Variants in TENM3 observed in about 807,000 individuals in gnomAD.
TENM3 encodes teneurin transmembrane protein 3, also known as teneurin-3.
A neutral mutation model predicts 255.1 loss-of-function variants in TENM3; 63 were observed. The ratio of observed to expected loss-of-function variants is 0.25; its 90% CI spans 0.20 to 0.30. The LOEUF is 0.30. TENM3 is among the 10% of genes least tolerant of loss of function. TENM3 has a pLI of 1.00. For missense variants in TENM3, 2,929 were observed against 3,461.1 expected (o/e 0.85, Z 3.86); for synonymous variants, 1,306 against 1,322.3 (o/e 0.99, Z 0.27).
the TENM3 span, among the ~76,000 whole-genome samples, chr4:181,812,749 A>G: frequency 2.0e-5 from 3 of 152,198 alleles, no homozygotes; most frequent in African/African-American, 7.2e-5. Flanking sequence ...TTCACTGAGC[A>G]TGGCTCAGAA....
the TENM3 span, among the ~76,000 whole-genome samples, chr4:181,817,560 C>A: frequency 6.6e-6 from 1 of 152,074 alleles, no homozygotes; most frequent in Non-Finnish European, 1.5e-5. Flanking sequence ...AAAATTTATG[C>A]CTTGGAAACT....
chr4:182,013,100 C>T, the TENM3 span, among the ~76,000 whole-genome samples: 28 of 152,128 alleles, frequency 1.8e-4, no homozygotes, highest in Non-Finnish European at 5.9e-5. Flanking sequence ...GAATGAATGG[C>T]GAGCATTCAA....
the TENM3 span, among the ~76,000 whole-genome samples, chr4:181,672,824 C>A: frequency 6.6e-6 from 1 of 152,262 alleles, no homozygotes; most frequent in Non-Finnish European, 1.5e-5. Context: ...ATCTTCATTT[C>A]GCAGAAGTAG....
the TENM3 span, among the ~76,000 whole-genome samples, chr4:181,738,637 A>G: frequency 8.4e-4 from 128 of 152,022 alleles, no homozygotes; most frequent in Admixed American, 2.3e-3. Context: ...GAGTCCCTGT[A>G]TTTTTAGATT....
intron 26 of TENM3, among the ~76,000 whole-genome samples, chr4:182,795,252 C>T (rs994360065): frequency 1.3e-5 from 2 of 152,186 alleles, no homozygotes; most frequent in African/African-American, 4.8e-5. Flanking sequence ...CATCTGCCTT[C>T]AAACCCCATT....
At chr4:181,693,714 A>G in the TENM3 span, among the ~76,000 whole-genome samples, 1 of 152,096 alleles carries the variant, frequency 6.6e-6, no homozygotes, top group African/African-American at 2.4e-5. Context: ...CGTGGTGCCT[A>G]GGTCAACATC....
chr4:182,786,959 G>A (rs937417001), intron 24 of TENM3, among the ~76,000 whole-genome samples: 4 of 152,144 alleles, frequency 2.6e-5, no homozygotes, highest in Admixed American at 6.5e-5. Flanking sequence ...TCTTCTTGAG[G>A]CATCCAAAAT....
chr4:182,589,897 C>T (rs1476690923), intron 3 of TENM3, among the ~76,000 whole-genome samples: 1 of 152,020 alleles, frequency 6.6e-6, no homozygotes, highest in African/African-American at 2.4e-5. Context: ...TCGCTTGTAC[C>T]CGGGAGGCAG....
At chr4:182,161,673 A>ATATATATATACATATATATG (rs1386724701) in intron 1 of TENM3, among the ~76,000 whole-genome samples, 1 of 60,030 alleles carries the variant, frequency 1.7e-5, no homozygotes, top group Non-Finnish European at 3.3e-5. Flanking sequence ...AAATATATAT[A>ATATATATATACATATATATG]TGTATATATA....
chr4:182,798,245 C>T (rs984693244), intron 27 of TENM3, among the ~76,000 whole-genome samples: 5 of 152,168 alleles, frequency 3.3e-5, no homozygotes, highest in South Asian at 2.1e-4. Flanking sequence ...TGGTCTCAAG[C>T]GTTCCTCCTG....
chr4:182,240,666 A>C (rs1280401472), upstream of TENM3, among the ~76,000 whole-genome samples: 1 of 152,148 alleles, frequency 6.6e-6, no homozygotes, highest in Non-Finnish European at 1.5e-5. Flanking sequence ...CCGGCCCTGC[A>C]GCCCACGAGA....
At chr4:182,393,937 A>G (rs1024804934) in intron 3 of TENM3, among the ~76,000 whole-genome samples, 1 of 152,242 alleles carries the variant, frequency 6.6e-6, no homozygotes, top group African/African-American at 2.4e-5. Context: ...CCAGTCATTT[A>G]GAGCTCTTAT....
intron 12 of TENM3, among the ~76,000 whole-genome samples, chr4:182,695,368 A>C (rs2152616587): frequency 6.6e-6 from 1 of 152,312 alleles, no homozygotes; most frequent in East Asian, 1.9e-4. Flanking sequence ...TGTTAATATA[A>C]AACTTGCAAA....
chr4:181,713,297 C>T, the TENM3 span, among the ~76,000 whole-genome samples: 1 of 152,160 alleles, frequency 6.6e-6, no homozygotes, highest in African/African-American at 2.4e-5. Context: ...AAATGGGAGG[C>T]ATGGACTTAG....
At chr4:182,160,213 A>G (rs962823920) in intron 1 of TENM3, among the ~76,000 whole-genome samples, 2 of 151,626 alleles carry the variant, frequency 1.3e-5, no homozygotes, top group African/African-American at 2.4e-5. Flanking sequence ...CGTGTTAGCC[A>G]GGATGGTCTC....
chr4:181,591,819 C>T, the TENM3 span, among the ~76,000 whole-genome samples: 212 of 152,260 alleles, frequency 1.4e-3, 2 homozygotes, highest in African/African-American at 4.8e-3. Flanking sequence ...TTGTCTGCCA[C>T]GAAACCAGTC....
At chr4:181,806,344 C>T in the TENM3 span, among the ~76,000 whole-genome samples, 6 of 152,172 alleles carry the variant, frequency 3.9e-5, no homozygotes, top group African/African-American at 1.4e-4. Context: ...ATTTCCTCCT[C>T]GACTGTGCTA....
chr4:182,148,423 A>G (rs987015311), intron 1 of TENM3, among the ~76,000 whole-genome samples: 1 of 152,146 alleles, frequency 6.6e-6, no homozygotes, highest in African/African-American at 2.4e-5. Flanking sequence ...AGAATTATAT[A>G]AAACATGAGG....
chr4:182,769,048 A>G (rs1763956823), intron 22 of TENM3, among the ~76,000 whole-genome samples: 2 of 152,370 alleles, frequency 1.3e-5, no homozygotes, highest in South Asian at 2.1e-4. Context: ...TCTCAAATCT[A>G]TAAGCTGGGC....
Sources: gnomAD v4.1 joint callset for allele counts (sites outside exome capture counted in the v4.1 genomes callset) on GRCh38, gnomAD v4.1.1 for gene constraint, MANE v1.5 for transcripts, NCBI Gene and HGNC (gene_info 2026-07-23, HGNC 2026-07-21) for gene names.